PACSIN2: variants seen among roughly 807,000 people sequenced by gnomAD.
PACSIN2 encodes the protein protein kinase C and casein kinase substrate in neurons protein 2.
In PACSIN2, 25 loss-of-function variants were observed where a neutral mutation model predicts 63.8. The observed-to-expected ratio is 0.39, with a 90% CI of 0.29 to 0.55. PACSIN2 has a LOEUF of 0.55. PACSIN2 is among the 20% of genes least tolerant of loss of function. The pLI is 0.62. For missense variants in PACSIN2, 518 were observed against 646.9 expected (o/e 0.80, Z 2.16); for synonymous variants, 255 against 256.2 (o/e 1.00, Z 0.05).
chr22:42,990,323 C>T (rs1922957743), intron 1 of PACSIN2, among the ~76,000 whole-genome samples: 1 of 152,092 alleles, frequency 6.6e-6, no homozygotes, highest in Admixed American at 6.5e-5. Flanking sequence ...ATCCTCATGT[C>T]ACTCATGCCT....
At chr22:42,908,674 C>A (rs1601501530) in intron 2 of PACSIN2, among the ~76,000 whole-genome samples, 1 of 152,224 alleles carries the variant, frequency 6.6e-6, no homozygotes, top group African/African-American at 2.4e-5. Context: ...CACTGTAATC[C>A]CACACGACTT....
intron 1 of PACSIN2, among the ~76,000 whole-genome samples, chr22:42,940,414 T>C (rs964382516): frequency 6.6e-6 from 1 of 152,190 alleles, no homozygotes; most frequent in African/African-American, 2.4e-5. Flanking sequence ...ACACTGTTCC[T>C]GTCAACAGGA....
chr22:43,003,716 G>A (rs1251365991), intron 1 of PACSIN2, among the ~76,000 whole-genome samples: 1 of 152,242 alleles, frequency 6.6e-6, no homozygotes, highest in Non-Finnish European at 1.5e-5. Flanking sequence ...ACAAAGTGCA[G>A]TCCTCTACAG....
intron 1 of PACSIN2, among the ~76,000 whole-genome samples, chr22:42,956,327 T>C (rs530946232): frequency 6.6e-6 from 1 of 152,330 alleles, no homozygotes; most frequent in Non-Finnish European, 1.5e-5. Context: ...CAGAGTCTAA[T>C]AAGAAAAAAC....
intron 4 of PACSIN2, among the ~76,000 whole-genome samples, chr22:42,889,398 A>ACACACACACACACACT (rs778420398): frequency 4.6e-5 from 7 of 151,306 alleles, no homozygotes; most frequent in African/African-American, 1.7e-4. Context: ...ACACACACAC[A>ACACACACACACACACT]CTCTTAACAG....
chr22:42,933,382 T>C (rs1311008610), intron 1 of PACSIN2, among the ~76,000 whole-genome samples: 1 of 152,216 alleles, frequency 6.6e-6, no homozygotes, highest in East Asian at 1.9e-4. Context: ...CAGCATTGTT[T>C]TTCTCTGGAC....
rs1932291740 is a variant in PACSIN2, at chr22:42,922,976, C to T, written c.-77-10819G>A. On this transcript the variant is annotated intron_variant, in intron 1 of 10. Coordinates refer to ENST00000263246, the MANE Select transcript of PACSIN2 (RefSeq NM_001184970.3). ...GGACTGCAGGAAGATGGGCAGTGGG[C>T]ATGAGAAGGACAGGGGAGGGGTCTT... Among the ~76,000 whole-genome samples, 3 of 152,216 alleles carry T rather than the reference C, an allele frequency of 2.0e-5. No homozygotes were observed. In the South Asian group the frequency reaches 6.2e-4, roughly 32 times the overall value.
chr22:42,961,292 TTGTG>T (rs1934123996), intron 1 of PACSIN2, among the ~76,000 whole-genome samples: 1 of 152,244 alleles, frequency 6.6e-6, no homozygotes, highest in Non-Finnish European at 1.5e-5. Flanking sequence ...TTTGAAAATC[TTGTG>T]TTTAGACAAA....
intron 2 of PACSIN2, among the ~76,000 whole-genome samples, chr22:42,910,340 C>T (rs1931364858): frequency 6.6e-6 from 1 of 152,216 alleles, no homozygotes; most frequent in Non-Finnish European, 1.5e-5. Flanking sequence ...AGTTTTGGTT[C>T]AGTGTTGAGA....
intron 2 of PACSIN2, among the ~76,000 whole-genome samples, chr22:42,898,046 G>A (rs530203135): frequency 1.3e-5 from 2 of 152,188 alleles, no homozygotes; most frequent in South Asian, 4.1e-4. Context: ...GAAGGCTGGC[G>A]GGGGTGGGGA....
chr22:42,899,405 G>A (rs943728068), intron 2 of PACSIN2, among the ~76,000 whole-genome samples: 5 of 151,836 alleles, frequency 3.3e-5, no homozygotes, highest in Admixed American at 1.3e-4. Context: ...TTCCTGCCTC[G>A]GCCTCCCGAG....
At chr22:42,916,886 C>T (rs535754687) in intron 1 of PACSIN2, among the ~76,000 whole-genome samples, 28 of 152,276 alleles carry the variant, frequency 1.8e-4, no homozygotes, top group Non-Finnish European at 3.2e-4. Flanking sequence ...GCAAGCCACC[C>T]GAAGGTACTC....
chr22:42,981,448 T>C (rs1922116248), intron 1 of PACSIN2, among the ~76,000 whole-genome samples: 1 of 86,614 alleles, frequency 1.2e-5, no homozygotes, highest in Admixed American at 1.2e-4. Context: ...GGAGCCCCTC[T>C]GCCCGGCCAG....
chr22:43,011,430 G>A (rs551274587), intron 1 of PACSIN2, among the ~76,000 whole-genome samples: 8 of 152,320 alleles, frequency 5.3e-5, no homozygotes, highest in African/African-American at 1.9e-4. Flanking sequence ...AAGGTGGCCA[G>A]AGAGCATCTG....
intron 1 of PACSIN2, among the ~76,000 whole-genome samples, chr22:42,986,036 T>C (rs1000139838): frequency 2.6e-5 from 4 of 152,180 alleles, no homozygotes; most frequent in Non-Finnish European, 5.9e-5. Context: ...AGGCTCACGC[T>C]TGACTTTCCA....
At chr22:42,897,332 C>G (rs148032156) in intron 2 of PACSIN2, among the ~76,000 whole-genome samples, 1 of 152,112 alleles carries the variant, frequency 6.6e-6, no homozygotes, top group Non-Finnish European at 1.5e-5. Context: ...TTTGACAAAT[C>G]GATCATACAT....
intron 1 of PACSIN2, among the ~76,000 whole-genome samples, chr22:42,989,619 A>AC (rs1922872506): frequency 1.3e-5 from 2 of 151,106 alleles, no homozygotes; most frequent in South Asian, 4.2e-4. Context: ...ACACAGTGAA[A>AC]CCCCGTCTCT....
chr22:42,975,728 C>T (rs1261899199), intron 1 of PACSIN2, among the ~76,000 whole-genome samples: 1 of 150,672 alleles, frequency 6.6e-6, no homozygotes, highest in Non-Finnish European at 1.5e-5. Context: ...GGAGCACCCA[C>T]TAGGAGTTTC....
intron 1 of PACSIN2, among the ~76,000 whole-genome samples, chr22:42,932,753 A>C (rs1932807819): frequency 6.9e-6 from 1 of 145,566 alleles, no homozygotes; most frequent in African/African-American, 2.5e-5. Context: ...GTCAATTCTA[A>C]AAAAAAAAAA....
Sources: gnomAD v4.1 joint callset for allele counts (sites outside exome capture counted in the v4.1 genomes callset) on GRCh38, gnomAD v4.1.1 for gene constraint, MANE v1.5 for transcripts, NCBI Gene and HGNC (gene_info 2026-07-23, HGNC 2026-07-21) for gene names.